Variants in CIB1 observed in about 807,000 individuals in gnomAD.
CIB1 encodes the protein calcium and integrin-binding protein 1.
CIB1 carries 19 observed loss-of-function variants against 25.0 expected under a neutral mutation model. The observed-to-expected ratio is 0.76, with a 90% CI of 0.53 to 1.12. CIB1 has a LOEUF of 1.12. Among genes scored for constraint, CIB1 ranks in the 50% most tolerant of loss-of-function variants. CIB1 has a pLI of 0.00. For missense variants in CIB1, 236 were observed against 242.6 expected, an observed-to-expected ratio of 0.97 and a Z score of 0.18; for synonymous variants, 104 against 98.5, an observed-to-expected ratio of 1.06 and a Z score of -0.33.
In CIB1 at chr15:90,231,599, C is replaced by T. The variant is rs1364615436; in HGVS notation, c.196-92G>A. ...AGAGAGCAGGTCACAGGACCAGCAC[C>T]AGCGAGCTCAGCCTCGTGGGGGTGA... On this transcript the variant is annotated intron_variant, in intron 3 of 6. Transcript: ENST00000328649. 5.6e-6 allele frequency: 8 copies of T among 1,440,446 alleles called. No homozygotes were observed. In the East Asian group the frequency reaches 1.6e-4, roughly 29 times the overall value. The allele number at this position is 1,440,446 out of a possible 1,614,324, so 89.2% of individuals were successfully genotyped here. A position where few individuals can be genotyped will look rare whatever the true frequency, so the allele number is the denominator to read the frequency against.
chr15:90,254,810 C>A, the CIB1 span, among the ~76,000 whole-genome samples: 3 of 152,108 alleles, frequency 2.0e-5, no homozygotes. Context: ...CACACCACTG[C>A]ACTCCAGCCT....
chr15:90,233,950 C>G (rs1295971214), upstream of CIB1: 1 of 1,430,222 alleles, frequency 7.0e-7, no homozygotes, highest in African/African-American at 1.5e-5. Flanking sequence ...TCACTTCCGC[C>G]CTTGGGCCGC....
intron 2 of CIB1, among the ~76,000 whole-genome samples, chr15:90,233,364 G>A (rs967812246): frequency 6.6e-6 from 1 of 152,286 alleles, no homozygotes; most frequent in Non-Finnish European, 1.5e-5. Context: ...CACTGGGCAA[G>A]GTCGGCCCCT....
the CIB1 span, among the ~76,000 whole-genome samples, chr15:90,254,202 T>TA: frequency 5.0e-4 from 69 of 139,082 alleles, 1 homozygote; most frequent in African/African-American, 1.0e-3. Context: ...TTTTTTTTTT[T>TA]AAAAAAAAAA....
At chr15:90,239,432 G>A in the CIB1 span, among the ~76,000 whole-genome samples, 8 of 152,126 alleles carry the variant, frequency 5.3e-5, no homozygotes, top group East Asian at 1.5e-3. Flanking sequence ...TTCTGCAAGG[G>A]TGGACAGGCC....
At chr15:90,235,224 ATG>A (rs1962607317), upstream of CIB1, among the ~76,000 whole-genome samples, 1 of 152,156 alleles carries the variant, frequency 6.6e-6, no homozygotes, top group Non-Finnish European at 1.5e-5. Context: ...CCTTGGCAGC[ATG>A]TGTTTGATAA....
chr15:90,244,088 T>A, the CIB1 span: 1 of 152,114 alleles, frequency 6.6e-6, no homozygotes, highest in African/African-American at 2.4e-5. Flanking sequence ...CAAAACGGGA[T>A]GGAGACTGAC....
chr15:90,239,445 A>G, the CIB1 span, among the ~76,000 whole-genome samples: 21 of 152,264 alleles, frequency 1.4e-4, no homozygotes, highest in East Asian at 3.9e-3. Flanking sequence ...GACAGGCCTC[A>G]GGAAACTTAC....
At chr15:90,264,773 G>T in the CIB1 span, 82 of 1,536,112 alleles carry the variant, frequency 5.3e-5, no homozygotes, top group African/African-American at 1.0e-3. Flanking sequence ...GGCAGGATCA[G>T]TGCCACCCAC....
At chr15:90,265,320 G>T in the CIB1 span, 6 of 1,206,298 alleles carry the variant, frequency 5.0e-6, no homozygotes, top group African/African-American at 9.6e-5. Context: ...CAGAGAAGCC[G>T]AGTGCCCAAG....
At chr15:90,249,047 G>C in the CIB1 span, among the ~76,000 whole-genome samples, 2 of 152,050 alleles carry the variant, frequency 1.3e-5, no homozygotes, top group East Asian at 3.9e-4. Flanking sequence ...GCTAAACTTA[G>C]AGTTACTAAA....
At chr15:90,257,535 C>T in the CIB1 span, 185 of 1,132,568 alleles carry the variant, frequency 1.6e-4, no homozygotes, top group East Asian at 3.9e-3. Context: ...AGACAGGAGA[C>T]GAGAGATCCT....
At chr15:90,258,449 C>T in the CIB1 span, 2 of 660,072 alleles carry the variant, frequency 3.0e-6, no homozygotes, top group Non-Finnish European at 5.2e-6. Flanking sequence ...TGAGTCAAAT[C>T]TTGGTGGTTT....
the CIB1 span, chr15:90,264,002 C>A: frequency 3.9e-6 from 6 of 1,535,960 alleles, no homozygotes; most frequent in Non-Finnish European, 4.4e-6. Flanking sequence ...TGTTCATTGT[C>A]AATGAAGAAG....
chr15:90,256,589 CTTTCTTTCTTTCTTT>C, the CIB1 span, among the ~76,000 whole-genome samples: 23 of 34,848 alleles, frequency 6.6e-4, no homozygotes, highest in South Asian at 1.5e-3. Context: ...TTCTTTCTTT[CTTTCTTTCTTTCTTT>C]CTTTCCTTCC....
In CIB1 at chr15:90,233,928, C is replaced by T. The variant is rs941273067; in HGVS notation, c.-43G>A. 36 of 1,446,392 alleles carry T rather than the reference C, an allele frequency of 2.5e-5. No homozygotes were observed. The highest frequency in any genetic ancestry group is 3.2e-5 in the Non-Finnish European group (35 of 1,104,958). 89.6% of individuals were successfully genotyped at this position (1,446,392 alleles called of 1,614,324 possible). The stretch of plus-strand genomic sequence containing the variant: ...AGCTCCGCCAACTCGCCTCGAGACG[C>T]AGACAACTTTCTCACTTCCGCCCTT... On this transcript the variant is annotated 5_prime_UTR_variant, in exon 1 of 7. Transcript: ENST00000328649.
chr15:90,254,561 C>A, the CIB1 span, among the ~76,000 whole-genome samples: 1 of 136,340 alleles, frequency 7.3e-6, no homozygotes, highest in African/African-American at 2.6e-5. Context: ...AGGCTGGGCA[C>A]GGTGGACGGT....
the CIB1 span, chr15:90,263,149 A>G: frequency 1.3e-6 from 2 of 1,520,966 alleles, no homozygotes; most frequent in Non-Finnish European, 1.7e-6. Flanking sequence ...GAGTCGGGTG[A>G]GGGTCCCTGT....
chr15:90,231,292 G>T (rs1259171300), intron 4 of CIB1, 65 bp downstream of exon 4: 2 of 1,608,082 alleles, frequency 1.2e-6, no homozygotes, highest in Non-Finnish European at 1.7e-6. Flanking sequence ...CATTTCCCAA[G>T]CAGGGCCACC....
Sources: gnomAD v4.1 joint callset for allele counts (sites outside exome capture counted in the v4.1 genomes callset) on GRCh38, gnomAD v4.1.1 for gene constraint, MANE v1.5 for transcripts, NCBI Gene and HGNC (gene_info 2026-07-23, HGNC 2026-07-21) for gene names.